The following UNC79 variants were observed in gnomAD, a reference collection of about 807,000 sequenced individuals.
UNC79 encodes the protein protein unc-79 homolog.
Under a neutral mutation model 283.1 loss-of-function variants are expected in UNC79, and 37 were observed. The ratio of observed to expected loss-of-function variants is 0.13; its 90% CI spans 0.10 to 0.17. UNC79 has a LOEUF of 0.17. Among genes scored for constraint, UNC79 ranks in the 10% least tolerant of loss-of-function variants. The pLI is 1.00. For synonymous variants in UNC79, 1,107 were observed against 1,200.2 expected (o/e 0.92, Z 1.61); for missense variants, 2,272 against 3,211.1 (o/e 0.71, Z 7.07).
At chr14:93,463,172 GGA>G (rs1263929352) in intron 1 of UNC79, among the ~76,000 whole-genome samples, 1 of 152,106 alleles carries the variant, frequency 6.6e-6, no homozygotes, top group Non-Finnish European at 1.5e-5. Context: ...GACGCCAAGG[GGA>G]GAGAGTTTCA....
intron 4 of UNC79, 89 bp downstream of exon 4, chr14:93,477,817 G>T: frequency 8.1e-7 from 1 of 1,241,638 alleles, no homozygotes; most frequent in Non-Finnish European, 1.1e-6. Flanking sequence ...AGTTTTTCGA[G>T]ATTATAATGG....
chr14:93,547,018 A>G (rs1268245487), intron 14 of UNC79, among the ~76,000 whole-genome samples: 2 of 152,238 alleles, frequency 1.3e-5, no homozygotes, highest in Non-Finnish European at 1.5e-5. Flanking sequence ...AAGGCTTAAA[A>G]TAGTCATAGT....
chr14:93,561,698 A>T (rs1451940245), intron 14 of UNC79, among the ~76,000 whole-genome samples: 1 of 152,194 alleles, frequency 6.6e-6, no homozygotes, highest in Non-Finnish European at 1.5e-5. Flanking sequence ...GAACTTCATC[A>T]GGGTGAAAGT....
intron 32 of UNC79, among the ~76,000 whole-genome samples, chr14:93,637,991 T>G (rs976439197): frequency 6.6e-6 from 1 of 152,254 alleles, no homozygotes. Context: ...GAATTGATGC[T>G]GCTCACAGAA....
chr14:93,644,741 A>G (rs950215253), intron 34 of UNC79, among the ~76,000 whole-genome samples: 2 of 152,198 alleles, frequency 1.3e-5, no homozygotes, highest in African/African-American at 4.8e-5. Context: ...TTAAAAATGA[A>G]AAAATGTTGA....
rs529171926 is a variant in UNC79 at position 93,442,343 on chromosome 14, A to G, written c.22+11292A>G. ...TACACATGTTGGGTGTTTTTTGCTT[A>G]TCTTCTGTAGGATCATTTTCTACTG... is the stretch of plus-strand genomic sequence containing the variant. On this transcript the variant is annotated intron_variant, in intron 1 of 48. Coordinates refer to ENST00000555664, the Ensembl canonical transcript of UNC79. Among the ~76,000 whole-genome samples the G allele has an allele frequency of 2.6e-5, 4 of 152,158 alleles. No individual in the cohort carries two copies. In the South Asian group the frequency reaches 8.3e-4, roughly 32 times the overall value.
intron 40 of UNC79, among the ~76,000 whole-genome samples, chr14:93,669,717 C>T (rs895212445): frequency 5.9e-5 from 9 of 152,044 alleles, no homozygotes; most frequent in Admixed American, 3.3e-4. Flanking sequence ...GGCATGGTAG[C>T]GCATGCCTGT....
chr14:93,446,596 G>A (rs1036798686), intron 1 of UNC79, among the ~76,000 whole-genome samples: 10 of 152,058 alleles, frequency 6.6e-5, no homozygotes, highest in Non-Finnish European at 1.3e-4. Flanking sequence ...GATTCATCAC[G>A]TTGGCCAGTC....
chr14:93,522,710 A>G (rs976318382), intron 7 of UNC79, among the ~76,000 whole-genome samples: 1 of 152,086 alleles, frequency 6.6e-6, no homozygotes, highest in African/African-American at 2.4e-5. Context: ...TGTGCTCTAA[A>G]AATATGATCA....
chr14:93,621,610 G>A lies in UNC79; in HGVS notation c.4388-11G>A. 1 of 1,530,210 alleles carries A rather than the reference G, an allele frequency of 6.5e-7. No homozygotes were observed. The highest frequency in any genetic ancestry group is 2.3e-5 in the East Asian group (1 of 44,126). 94.8% of individuals were successfully genotyped at this position (1,530,210 alleles called of 1,614,324 possible). A position where few individuals can be genotyped will look rare whatever the true frequency, so the allele number is the denominator to read the frequency against. ...AAGTAAAATAGTACTAGCTTTTTCTGTTTTGATCAGGTGAAATAGAACTGG... is the reference window on the plus strand; with the variant it reads ...AAGTAAAATAGTACTAGCTTTTTCTATTTTGATCAGGTGAAATAGAACTGG... On this transcript the variant is annotated splice_polypyrimidine_tract_variant and intron_variant, in intron 29 of 48. Coordinates refer to ENST00000555664, the Ensembl canonical transcript of UNC79. This position sits in a 1 kb window ranked among gnomAD's most constrained non-coding sequence, Gnocchi z 4.8.
intron 1 of UNC79, among the ~76,000 whole-genome samples, chr14:93,380,040 C>T (rs1261772828): frequency 6.6e-6 from 1 of 152,100 alleles, no homozygotes; most frequent in African/African-American, 2.4e-5. Flanking sequence ...CTTCACTTCT[C>T]TCTTCCTCAA....
At chr14:93,527,625 T>G (rs1354143672) in intron 8 of UNC79, among the ~76,000 whole-genome samples, 1 of 152,084 alleles carries the variant, frequency 6.6e-6, no homozygotes, top group Admixed American at 6.6e-5. Flanking sequence ...TTAGGTGATT[T>G]CCCCCCTTCA....
chr14:93,611,844 TAA>T (rs533668224), intron 26 of UNC79, among the ~76,000 whole-genome samples: 2 of 144,730 alleles, frequency 1.4e-5, no homozygotes, highest in Admixed American at 1.4e-4. Flanking sequence ...TGTTTCTTAT[TAA>T]AAAAAAAAAG....
intron 19 of UNC79, among the ~76,000 whole-genome samples, chr14:93,580,863 GCCTGGC>G (rs2063755506): frequency 6.6e-6 from 1 of 152,022 alleles, no homozygotes; most frequent in Non-Finnish European, 1.5e-5. Context: ...CCACCACCAT[GCCTGGC>G]TAATTTTTAA....
exon 14 of UNC79, chr14:93,542,586 G>A: frequency 6.2e-7 from 1 of 1,614,204 alleles, no homozygotes; most frequent in Non-Finnish European, 8.5e-7. Context: ...GGGAAGTCTG[G>A]TGGAAAAGCT....
At chr14:93,507,812 C>T (rs1402665958) in intron 7 of UNC79, among the ~76,000 whole-genome samples, 1 of 152,102 alleles carries the variant, frequency 6.6e-6, no homozygotes, top group Non-Finnish European at 1.5e-5. Context: ...AAGATTTTCT[C>T]CTTCCAGAAG....
intron 41 of UNC79, among the ~76,000 whole-genome samples, chr14:93,681,624 G>A (rs889552837): frequency 7.2e-5 from 11 of 152,192 alleles, no homozygotes; most frequent in Admixed American, 7.2e-4. Context: ...ATGAGAAGGC[G>A]GAGCGACTGG....
rs146016059 is a variant in UNC79, at chr14:93,622,909, C to T, written c.5608+68C>T. 10,812 of 1,551,128 alleles carry T rather than the reference C, an allele frequency of 7.0e-3. 64 individuals are homozygous for T. Among genetic ancestry groups the T allele is most frequent in the Middle Eastern group, 0.038 (172 of 4,536 alleles). Reference sequence around the variant, plus strand: ...TTGTGCATCTTGTTTGATAGGGTACCGGCACTGAATATGCATCAGACTCAA... The same window carrying T: ...TTGTGCATCTTGTTTGATAGGGTACTGGCACTGAATATGCATCAGACTCAA... On this transcript the variant is annotated intron_variant, in intron 30 of 48. Coordinates refer to ENST00000555664, the Ensembl canonical transcript of UNC79.
At chr14:93,386,863 A>T (rs1286489516) in intron 1 of UNC79, among the ~76,000 whole-genome samples, 1 of 150,276 alleles carries the variant, frequency 6.7e-6, no homozygotes, top group East Asian at 1.9e-4. Flanking sequence ...CTTTTTAAAA[A>T]ACCAAGTTTT....
Sources: allele counts gnomAD v4.1 joint callset (sites outside exome capture counted in the v4.1 genomes callset), GRCh38; gene constraint gnomAD v4.1.1; non-coding constraint Gnocchi (gnomAD v3.1); transcripts MANE v1.5; gene names NCBI Gene and HGNC (gene_info 2026-07-23, HGNC 2026-07-21).